FER: variants seen among roughly 807,000 people sequenced by gnomAD.
FER encodes the protein FER tyrosine kinase.
Under a neutral mutation model 111.0 loss-of-function variants are expected in FER, and 63 were observed. The observed-to-expected ratio is 0.57, with a 90% CI of 0.46 to 0.70. The LOEUF is 0.70. FER is among the 30% of genes least tolerant of loss of function. FER has a pLI of 0.00. For synonymous variants in FER, 327 were observed against 313.9 expected (o/e 1.04, Z -0.44); for missense variants, 914 against 954.0 (o/e 0.96, Z 0.55).
chr5:108,968,768 A>G (rs1439800932), intron 13 of FER, among the ~76,000 whole-genome samples: 1 of 152,116 alleles, frequency 6.6e-6, no homozygotes, highest in Non-Finnish European at 1.5e-5. Flanking sequence ...TAATTAAAAT[A>G]CTTGTTAATA....
At chr5:109,130,060 G>GTT (rs71808956) in intron 17 of FER, among the ~76,000 whole-genome samples, 52,461 of 150,250 alleles carry the variant, frequency 0.35, 9,300 homozygotes, top group Non-Finnish European at 0.38. Context: ...TTGTGCGTAG[G>GTT]TTTTTTTTTA....
chr5:108,815,558 C>T (rs189031152), intron 3 of FER, among the ~76,000 whole-genome samples: 49 of 152,202 alleles, frequency 3.2e-4, no homozygotes, highest in Admixed American at 6.5e-4. Context: ...GTTTTCTGTG[C>T]TGAAGATGAA....
intron 18 of FER, 113 bp downstream of exon 18, chr5:109,181,014 G>A: frequency 6.2e-6 from 5 of 806,288 alleles, no homozygotes; most frequent in Admixed American, 3.4e-5. Context: ...AATGATTTGA[G>A]GATCAACACA....
At chr5:108,820,591 A>T in intron 3 of FER, 1 of 958,306 alleles carries the variant, frequency 1.0e-6, no homozygotes, top group Non-Finnish European at 1.2e-6. Flanking sequence ...TACCTTTTTA[A>T]TACCAGTAGT....
At chr5:108,897,558 CTT>C (rs1384235707) in intron 9 of FER, 99 bp from the exon 10 acceptor site, 1 of 858,924 alleles carries the variant, frequency 1.2e-6, no homozygotes, top group Non-Finnish European at 1.6e-6. Context: ...CTAAAGGGCT[CTT>C]ATAAAAATGA....
At chr5:109,162,578 A>G (rs1376845856) in intron 17 of FER, among the ~76,000 whole-genome samples, 1 of 152,076 alleles carries the variant, frequency 6.6e-6, no homozygotes, top group African/African-American at 2.4e-5. Context: ...CACCAAGATA[A>G]TTTTTAGAAA....
At chr5:108,916,964 T>G (rs1187424981) in intron 10 of FER, among the ~76,000 whole-genome samples, 1 of 152,138 alleles carries the variant, frequency 6.6e-6, no homozygotes, top group African/African-American at 2.4e-5. Flanking sequence ...GATTCTATAT[T>G]TTGATCAGTT....
chr5:109,178,352 A>G (rs558211804), intron 17 of FER, among the ~76,000 whole-genome samples: 61 of 152,372 alleles, frequency 4.0e-4, no homozygotes, highest in Non-Finnish European at 7.5e-4. Context: ...TTGGCCTCTC[A>G]TAGAACCGTG....
intron 2 of FER, among the ~76,000 whole-genome samples, chr5:108,791,871 A>G (rs1183933852): frequency 6.6e-6 from 1 of 152,194 alleles, no homozygotes; most frequent in East Asian, 1.9e-4. Flanking sequence ...CGGTCCAAGG[A>G]AGGCATCCTG....
chr5:109,184,519 T>TA (rs1758644509), intron 18 of FER, among the ~76,000 whole-genome samples: 1 of 152,180 alleles, frequency 6.6e-6, no homozygotes, highest in South Asian at 2.1e-4. Context: ...GATCTTGCTT[T>TA]ATATGTAATA....
At chr5:109,182,548 A>G (rs183163559) in intron 18 of FER, among the ~76,000 whole-genome samples, 1 of 152,228 alleles carries the variant, frequency 6.6e-6, no homozygotes, top group Non-Finnish European at 1.5e-5. Flanking sequence ...ATATTTACAC[A>G]AAGGTTTTTG....
intron 13 of FER, among the ~76,000 whole-genome samples, chr5:108,965,557 T>C (rs1419169123): frequency 6.6e-6 from 1 of 152,204 alleles, no homozygotes; most frequent in African/African-American, 2.4e-5. Flanking sequence ...AATTTGATTA[T>C]TAATATTATC....
chr5:108,850,207 A>T (rs184385854), intron 5 of FER, among the ~76,000 whole-genome samples: 5 of 151,742 alleles, frequency 3.3e-5, no homozygotes, highest in Admixed American at 1.3e-4. Flanking sequence ...AAAAAAAAAA[A>T]TCATATTATT....
At chr5:108,795,505 G>T (rs879464634) in intron 2 of FER, among the ~76,000 whole-genome samples, 1 of 150,528 alleles carries the variant, frequency 6.6e-6, no homozygotes, top group Admixed American at 6.6e-5. Context: ...CCCTTTTGAG[G>T]CTATTTTCTA....
At position 109,013,891 on chromosome 5, in the gene FER, T is replaced by C. The variant is rs572458094; in HGVS notation, c.1657-23531T>C. ...TGCATAAATGTCTTCTTTTGAGAAATGTCTGTTCATGTCCTTCTCCCACTT... is the reference window on the plus strand; with the variant it reads ...TGCATAAATGTCTTCTTTTGAGAAACGTCTGTTCATGTCCTTCTCCCACTT... On this transcript the variant is annotated intron_variant, in intron 13 of 19. Transcript: ENST00000281092. 1.3e-4 allele frequency among the ~76,000 whole-genome samples: 20 copies of C among 152,136 alleles called. No individual in the cohort carries two copies. In the East Asian group the frequency reaches 3.9e-3, roughly 29 times the overall value.
chr5:109,089,068 G>A (rs1253367517), intron 16 of FER, among the ~76,000 whole-genome samples: 1 of 152,146 alleles, frequency 6.6e-6, no homozygotes, highest in Admixed American at 6.5e-5. Flanking sequence ...TTTGTATTTG[G>A]CATGGAAATA....
chr5:109,015,588 A>T (rs950592709), intron 13 of FER, among the ~76,000 whole-genome samples: 3 of 152,138 alleles, frequency 2.0e-5, no homozygotes, highest in African/African-American at 7.2e-5. Flanking sequence ...AGATCAGTAT[A>T]ATCCAAGCTG....
chr5:108,886,830 A>G (rs188635894), intron 9 of FER, among the ~76,000 whole-genome samples: 287 of 151,888 alleles, frequency 1.9e-3, no homozygotes, highest in Non-Finnish European at 3.3e-3. Flanking sequence ...TTATATGACT[A>G]AAGAGTTACT....
chr5:109,050,009 G>A (rs1772553138), intron 16 of FER, among the ~76,000 whole-genome samples: 1 of 152,244 alleles, frequency 6.6e-6, no homozygotes, highest in Admixed American at 6.5e-5. Flanking sequence ...GCAAACCCAA[G>A]AATACCAGTT....
Sources: allele counts gnomAD v4.1 joint callset (sites outside exome capture counted in the v4.1 genomes callset), GRCh38; gene constraint gnomAD v4.1.1; transcripts MANE v1.5; gene names NCBI Gene and HGNC (gene_info 2026-07-23, HGNC 2026-07-21).